The following TSHZ2 variants were observed in gnomAD, a reference collection of about 807,000 sequenced individuals.
TSHZ2 encodes the protein teashirt zinc finger homeobox 2, also known as teashirt homolog 2.
In TSHZ2, 21 loss-of-function variants were observed where a neutral mutation model predicts 74.4. The ratio of observed to expected loss-of-function variants is 0.28; its 90% CI spans 0.20 to 0.41. The LOEUF (loss-of-function observed/expected upper bound fraction) is 0.41, where lower values mean the gene tolerates loss of function less well. Ranked by LOEUF, TSHZ2 falls within the 10% of genes least tolerant of loss-of-function variation. TSHZ2 has a pLI of 1.00. For missense variants in TSHZ2, 1,244 were observed against 1,293.5 expected (o/e 0.96, Z 0.59); for synonymous variants, 540 against 515.3 (o/e 1.05, Z -0.65).
intron 1 of TSHZ2, among the ~76,000 whole-genome samples, chr20:53,167,767 C>T (rs1348349783): frequency 2.0e-5 from 3 of 152,070 alleles, no homozygotes; most frequent in African/African-American, 7.2e-5. Flanking sequence ...AACTTTGCAG[C>T]ACCTGTCAAT....
At chr20:53,161,130 C>CAAGAAAAAA (rs1987924775) in intron 1 of TSHZ2, among the ~76,000 whole-genome samples, 1 of 67,978 alleles carries the variant, frequency 1.5e-5, no homozygotes, top group Non-Finnish European at 2.6e-5. Context: ...TTATTTTCAG[C>CAAGAAAAAA]AAAAAAAAAA....
At chr20:53,416,437 C>G (rs146701243) in intron 2 of TSHZ2, among the ~76,000 whole-genome samples, 2 of 152,184 alleles carry the variant, frequency 1.3e-5, no homozygotes, top group African/African-American at 2.4e-5. Context: ...GGGCTGTGAG[C>G]TTGAGAGCTA....
chr20:53,141,388 C>G (rs1488644224), intron 1 of TSHZ2, among the ~76,000 whole-genome samples: 1 of 152,190 alleles, frequency 6.6e-6, no homozygotes, highest in African/African-American at 2.4e-5. Flanking sequence ...GGCTCCGCAT[C>G]CTGGCCTCCT....
chr20:52,994,551 T>C (rs1409190129), intron 1 of TSHZ2, among the ~76,000 whole-genome samples: 7 of 152,180 alleles, frequency 4.6e-5, no homozygotes, highest in African/African-American at 7.2e-5. Context: ...CTGGATCTAA[T>C]TGTTGATTTC....
intron 1 of TSHZ2, among the ~76,000 whole-genome samples, chr20:53,232,435 GAAT>G (rs1226568083): frequency 2.6e-5 from 4 of 152,192 alleles, no homozygotes; most frequent in African/African-American, 4.8e-5. Context: ...GAGGGAGACA[GAAT>G]AATAATTGCA....
At chr20:53,447,695 T>G (rs1159378626) in intron 2 of TSHZ2, among the ~76,000 whole-genome samples, 1 of 152,170 alleles carries the variant, frequency 6.6e-6, no homozygotes, top group African/African-American at 2.4e-5. Flanking sequence ...TAAACACTGG[T>G]TGGTGATTTT....
chr20:53,177,364 T>C (rs574799686), intron 1 of TSHZ2, among the ~76,000 whole-genome samples: 2 of 152,270 alleles, frequency 1.3e-5, no homozygotes, highest in South Asian at 4.1e-4. Flanking sequence ...TTTAGTGGAG[T>C]GCATCTCAAA....
chr20:53,316,891 T>C (rs1979046026), intron 2 of TSHZ2, among the ~76,000 whole-genome samples: 1 of 152,204 alleles, frequency 6.6e-6, no homozygotes, highest in Non-Finnish European at 1.5e-5. Flanking sequence ...GTAAAAGTCA[T>C]CACAATAAAT....
chr20:53,449,895 TTTTG>T (rs1984706362), intron 2 of TSHZ2, among the ~76,000 whole-genome samples: 1 of 152,202 alleles, frequency 6.6e-6, no homozygotes. Context: ...TTGATCTACT[TTTTG>T]TTATGTGCTT....
rs1984665437 is a variant in TSHZ2, at chr20:53,057,096, C to T, written c.40+83763C>T. On this transcript the variant is annotated intron_variant, in intron 1 of 2. Transcript: ENST00000371497. ...TTTCATAAAGGGCAGTTCCCCTGCACCGCTCTCCTGTAAGATGTGCCTTTG... is the reference window on the plus strand; with the variant it reads ...TTTCATAAAGGGCAGTTCCCCTGCATCGCTCTCCTGTAAGATGTGCCTTTG... Among the ~76,000 whole-genome samples, 3 of 152,184 alleles carry T rather than the reference C, an allele frequency of 2.0e-5. No individual in the cohort carries two copies. In the South Asian group the frequency reaches 6.2e-4, roughly 32 times the overall value.
chr20:53,135,558 T>C (rs1987225512), intron 1 of TSHZ2, among the ~76,000 whole-genome samples: 1 of 152,174 alleles, frequency 6.6e-6, no homozygotes, highest in South Asian at 2.1e-4. Flanking sequence ...AGTGGAGATT[T>C]CCTATGGTGC....
intron 1 of TSHZ2, among the ~76,000 whole-genome samples, chr20:53,071,587 T>C (rs1314234527): frequency 5.3e-5 from 8 of 152,204 alleles, no homozygotes; most frequent in South Asian, 2.1e-4. Flanking sequence ...CTATTTACTA[T>C]GGCTTAAAAA....
chr20:53,434,643 A>G (rs1000075468), intron 2 of TSHZ2, among the ~76,000 whole-genome samples: 7 of 152,232 alleles, frequency 4.6e-5, no homozygotes, highest in African/African-American at 1.4e-4. Flanking sequence ...CTGCTCTCCC[A>G]GCTACAACAA....
At chr20:53,145,137 G>A (rs1987508738) in intron 1 of TSHZ2, among the ~76,000 whole-genome samples, 1 of 152,164 alleles carries the variant, frequency 6.6e-6, no homozygotes, top group Non-Finnish European at 1.5e-5. Context: ...GAGTTATAAT[G>A]TTCGCCTCAT....
At chr20:53,411,202 T>C (rs1168475883) in intron 2 of TSHZ2, among the ~76,000 whole-genome samples, 2 of 151,972 alleles carry the variant, frequency 1.3e-5, no homozygotes, top group Non-Finnish European at 2.9e-5. Flanking sequence ...GAAGTTTTTC[T>C]ACAGCTAGGA....
chr20:53,282,045 C>CA (rs1485070931), intron 2 of TSHZ2, among the ~76,000 whole-genome samples: 7 of 152,170 alleles, frequency 4.6e-5, no homozygotes, highest in Admixed American at 4.6e-4. Context: ...ATATAGTATC[C>CA]AAAATCCAAA....
rs1568803559 is a variant in TSHZ2 at position 53,190,138 on chromosome 20, T to TA, written c.41-63361_41-63360insA. 9.2e-4 allele frequency among the ~76,000 whole-genome samples: 94 copies of TA among 101,678 alleles called. 3 individuals are homozygous for TA. In the East Asian group the frequency reaches 0.01, roughly 11 times the overall value. The allele number at this position is 101,678 out of a possible 152,430, so 66.7% of individuals were successfully genotyped here. A position where few individuals can be genotyped will look rare whatever the true frequency, so the allele number is the denominator to read the frequency against. On this transcript the variant is annotated intron_variant, in intron 1 of 2. Transcript: ENST00000371497. ...ATATATATATATATATATATATATATTTTCTTAAATGCCTCTGTTTCTTTT... is the reference window on the plus strand; with the variant it reads ...ATATATATATATATATATATATATATATTTCTTAAATGCCTCTGTTTCTTTT...
At chr20:53,273,224 T>C (rs1323325748) in intron 2 of TSHZ2, among the ~76,000 whole-genome samples, 1 of 152,154 alleles carries the variant, frequency 6.6e-6, no homozygotes, top group African/African-American at 2.4e-5. Context: ...TAAAAGAACG[T>C]TGGATTTGTT....
intron 2 of TSHZ2, among the ~76,000 whole-genome samples, chr20:53,410,186 G>A (rs1012633737): frequency 2.0e-5 from 3 of 152,082 alleles, no homozygotes; most frequent in Admixed American, 2.0e-4. Context: ...GAATCAGAGG[G>A]CGCATCCCAG....
Sources: allele counts gnomAD v4.1 joint callset (sites outside exome capture counted in the v4.1 genomes callset), GRCh38; gene constraint gnomAD v4.1.1; transcripts MANE v1.5; gene names NCBI Gene and HGNC (gene_info 2026-07-23, HGNC 2026-07-21).